Variants in JPH2 observed in about 807,000 individuals in gnomAD.
JPH2 encodes junctophilin 2.
JPH2 carries 38 observed loss-of-function variants against 55.9 expected under a neutral mutation model. The ratio of observed to expected loss-of-function variants is 0.68; its 90% CI spans 0.52 to 0.89. JPH2 has a LOEUF of 0.89. Ranked by LOEUF, JPH2 falls within the 40% of genes least tolerant of loss-of-function variation. JPH2 has a pLI of 0.00. For missense variants in JPH2, 964 were observed against 1,037.6 expected (o/e 0.93, Z 0.97); for synonymous variants, 480 against 472.4 (o/e 1.02, Z -0.21).
At position 44,114,881 on chromosome 20, in the gene JPH2, G is replaced by A. The variant is rs748682427; in HGVS notation, c.2011-5C>T. ...GATGAGGATGGTGTTGGGGACCTGG[G>A]AGCAGTGGAGAGAGGCTTCCTGAGT... On this transcript the variant is annotated splice_polypyrimidine_tract_variant and splice_region_variant and intron_variant, in intron 4 of 5. Coordinates refer to ENST00000372980, the MANE Select transcript of JPH2 (RefSeq NM_020433.5). 1 of 1,595,564 alleles carries A rather than the reference G, an allele frequency of 6.3e-7. No individual in the cohort carries two copies. Among genetic ancestry groups the A allele is most frequent in the Admixed American group, 1.8e-5 (1 of 56,566 alleles).
intron 1 of JPH2, among the ~76,000 whole-genome samples, chr20:44,161,558 G>T (rs953912682): frequency 2.6e-5 from 4 of 152,028 alleles, no homozygotes; most frequent in African/African-American, 9.7e-5. Flanking sequence ...TTCCTTATCT[G>T]CCAGAGGTAA....
At chr20:44,166,305 C>A (rs2072655369) in intron 1 of JPH2, among the ~76,000 whole-genome samples, 1 of 152,188 alleles carries the variant, frequency 6.6e-6, no homozygotes, top group African/African-American at 2.4e-5. Context: ...ATGCCAGAGC[C>A]AAACTCACAT....
At chr20:44,178,202 T>G (rs2072751032) in intron 1 of JPH2, among the ~76,000 whole-genome samples, 1 of 152,028 alleles carries the variant, frequency 6.6e-6, no homozygotes, top group African/African-American at 2.4e-5. Flanking sequence ...CCTTTTCACC[T>G]GAAAAACAAA....
rs960490568 is a variant in JPH2 at position 44,108,679 on chromosome 20, G to A, written c.*4839C>T. On this transcript the variant is annotated 3_prime_UTR_variant, in exon 6 of 6. Coordinates refer to ENST00000372980, the MANE Select transcript of JPH2 (RefSeq NM_020433.5). The stretch of plus-strand genomic sequence containing the variant: ...AGGAAGAAGAAGTGACTGTAATGTA[G>A]GCACCTGGTCAAGACAGCCTGGAGT... Among the ~76,000 whole-genome samples the A allele has an allele frequency of 4.0e-5, 6 of 151,382 alleles. No homozygotes were observed. The highest frequency in any genetic ancestry group is 1.5e-4 in the African/African-American group (6 of 41,076).
chr20:44,151,943 A>T (rs1457287810), intron 2 of JPH2, among the ~76,000 whole-genome samples: 1 of 151,958 alleles, frequency 6.6e-6, no homozygotes, highest in African/African-American at 2.4e-5. Context: ...CAGACTCCCA[A>T]CCAGAGGTGG....
chr20:44,119,168 A>C (rs756108533), intron 2 of JPH2, among the ~76,000 whole-genome samples: 7 of 152,264 alleles, frequency 4.6e-5, no homozygotes, highest in Non-Finnish European at 1.0e-4. Context: ...TTTGTAAAAT[A>C]ATAATCTATA....
chr20:44,160,355 G>T lies in JPH2; in HGVS notation c.432C>A (p.Arg144=). 1 of 1,599,096 alleles carries T rather than the reference G, an allele frequency of 6.3e-7. No homozygotes were observed. Among genetic ancestry groups the T allele is most frequent in the Admixed American group, 1.7e-5 (1 of 58,604 alleles). ...CGGCCATCCCGTAGGGCACGCTCTG[G>T]CGTACTCCGTAGCCATGGCGCATGC... ...TNGMRHGYGV[R]QSVPYGMAVV... is the part of the protein sequence containing the mutation. The change falls in exon 2 of 6, where the codon CGC becomes CGA. Residue 144 remains arginine, a synonymous_variant. Coordinates refer to ENST00000372980, the MANE Select transcript of JPH2 (RefSeq NM_020433.5). This position sits in a 1 kb window ranked among gnomAD's most constrained non-coding sequence, Gnocchi z 4.9.
chr20:44,162,770 A>ATG (rs2072620995), intron 1 of JPH2, among the ~76,000 whole-genome samples: 2 of 78,748 alleles, frequency 2.5e-5, no homozygotes, highest in Admixed American at 2.8e-4. Flanking sequence ...ATATATATAT[A>ATG]TATATATATA....
chr20:44,173,572 T>C (rs1315902911), intron 1 of JPH2, among the ~76,000 whole-genome samples: 1 of 152,222 alleles, frequency 6.6e-6, no homozygotes, highest in Non-Finnish European at 1.5e-5. Context: ...TATTAAACTC[T>C]TCCTCTACGA....
chr20:44,172,607 C>T (rs2072706644), intron 1 of JPH2, among the ~76,000 whole-genome samples: 1 of 152,208 alleles, frequency 6.6e-6, no homozygotes, highest in African/African-American at 2.4e-5. Flanking sequence ...ATCCTCCCAC[C>T]TCAGCCTCCC....
rs537544755 is a variant in JPH2, at chr20:44,118,553, T to C, written c.1240A>G (p.Ile414Val). ...AALAANQESN[I>V]ARTLARELAP... ...AGCTCCCTGGCCAAAGTGCGAGCAA[T>C]GTTGGACTCCTGGTTGGCAGCCAGG... The change falls in exon 3 of 6, where the codon ATT becomes GTT. Residue 414 changes from isoleucine (I) to valine (V), a missense_variant. Coordinates refer to ENST00000372980, the MANE Select transcript of JPH2 (RefSeq NM_020433.5). The C allele has an allele frequency of 1.1e-5, 17 of 1,613,312 alleles. No homozygotes were observed. In the African/African-American group the frequency reaches 2.1e-4, roughly 20 times the overall value.
At chr20:44,152,718 G>A (rs2072540016) in intron 2 of JPH2, among the ~76,000 whole-genome samples, 1 of 152,358 alleles carries the variant, frequency 6.6e-6, no homozygotes, top group East Asian at 1.9e-4. Context: ...GTGTGGAAAT[G>A]AGTGTTGGCA....
At chr20:44,114,721 G>A (rs920578917) in intron 5 of JPH2, 61 bp downstream of exon 5, 3 of 1,249,638 alleles carry the variant, frequency 2.4e-6, no homozygotes, top group Non-Finnish European at 3.4e-6. Flanking sequence ...CACCACCCTG[G>A]TGCTCAAAAC....
At chr20:44,153,122 G>T (rs1390520941) in intron 2 of JPH2, among the ~76,000 whole-genome samples, 1 of 152,218 alleles carries the variant, frequency 6.6e-6, no homozygotes, top group Non-Finnish European at 1.5e-5. Flanking sequence ...GGGAAGCACA[G>T]TTGTAGGGAC....
At chr20:44,177,936 G>T in intron 1 of JPH2, 1 of 1,390,620 alleles carries the variant, frequency 7.2e-7, no homozygotes, top group Non-Finnish European at 1.0e-6. Context: ...TTGTTTCATT[G>T]TCTCGACCAT....
chr20:44,157,962 G>A (rs114100033), intron 2 of JPH2, among the ~76,000 whole-genome samples: 156 of 152,146 alleles, frequency 1.0e-3, no homozygotes, highest in African/African-American at 3.7e-3. Flanking sequence ...GGTTGAAAGG[G>A]GTACCCCACT....
chr20:44,141,578 A>T (rs748525406), intron 2 of JPH2, among the ~76,000 whole-genome samples: 2 of 152,054 alleles, frequency 1.3e-5, no homozygotes, highest in Admixed American at 6.6e-5. Flanking sequence ...GTGTGATCAT[A>T]GCTCACTGAA....
At position 44,187,152 on chromosome 20, in the gene JPH2, G is replaced by T. The variant is rs1332972387; in HGVS notation, c.-447C>A. On this transcript the variant is annotated 5_prime_UTR_variant, in exon 1 of 6. Coordinates refer to ENST00000372980, the MANE Select transcript of JPH2 (RefSeq NM_020433.5). ...GAGGCTGAATTCCCGCAGCCCGCTG[G>T]CCCCCTTCTCCACCCCAGTGGGTGT... The T allele has an allele frequency of 2.1e-5, 4 of 191,756 alleles. No individual in the cohort carries two copies. In the East Asian group the frequency reaches 6.1e-4, roughly 29 times the overall value. The allele number at this position is 191,756 out of a possible 1,614,324, so 11.9% of individuals were successfully genotyped here.
intron 1 of JPH2, among the ~76,000 whole-genome samples, chr20:44,185,166 C>T (rs558087803): frequency 2.0e-5 from 3 of 152,104 alleles, no homozygotes; most frequent in East Asian, 1.9e-4. Context: ...ATTAGCTAGG[C>T]TTGGTGGCAT....
Sources: allele counts gnomAD v4.1 joint callset (sites outside exome capture counted in the v4.1 genomes callset), GRCh38; gene constraint gnomAD v4.1.1; non-coding constraint Gnocchi (gnomAD v3.1); transcripts MANE v1.5; gene names NCBI Gene and HGNC (gene_info 2026-07-23, HGNC 2026-07-21).